Variants in MTA3 observed in about 807,000 individuals in gnomAD.
The protein encoded by MTA3 is metastasis-associated protein MTA3.
MTA3 carries 34 observed loss-of-function variants against 83.5 expected under a neutral mutation model. The observed-to-expected ratio is 0.41, with a 90% CI of 0.31 to 0.54. MTA3 has a LOEUF of 0.54. Ranked by LOEUF, MTA3 falls within the 20% of genes least tolerant of loss-of-function variation. The probability of loss-of-function intolerance (pLI) is 0.33; values close to 1 mark genes in which losing one functional copy is unlikely to be tolerated. For synonymous variants in MTA3, 303 were observed against 252.7 expected, an observed-to-expected ratio of 1.20 and a Z score of -1.89; for missense variants, 761 against 726.4, an observed-to-expected ratio of 1.05 and a Z score of -0.55.
intron 2 of MTA3, among the ~76,000 whole-genome samples, chr2:42,530,515 T>G (rs1407162304): frequency 3.4e-5 from 5 of 147,772 alleles, no homozygotes; most frequent in Non-Finnish European, 5.9e-5. Flanking sequence ...CTGGGAGCGG[T>G]GGCTCATGCC....
intron 3 of MTA3, among the ~76,000 whole-genome samples, chr2:42,582,088 T>TG (rs1174964977): frequency 6.6e-6 from 1 of 150,568 alleles, no homozygotes; most frequent in Non-Finnish European, 1.5e-5. Flanking sequence ...GACGGAGTCT[T>TG]GCTGTGTCGC....
intron 2 of MTA3, among the ~76,000 whole-genome samples, chr2:42,501,802 AC>A (rs1158141265): frequency 6.6e-6 from 1 of 152,032 alleles, no homozygotes; most frequent in Non-Finnish European, 1.5e-5. Context: ...ACATGGTGAA[AC>A]CCTGTCTCTC....
intron 2 of MTA3, among the ~76,000 whole-genome samples, chr2:42,546,101 G>A (rs917429924): frequency 1.3e-5 from 2 of 152,188 alleles, no homozygotes; most frequent in Admixed American, 6.6e-5. Context: ...TGGTAGGGAA[G>A]GGAAGGAGGG....
chr2:42,697,841 A>G lies in MTA3; in HGVS notation c.1025+7A>G, dbSNP rs1013011050. The G allele has an allele frequency of 1.3e-6, 2 of 1,506,530 alleles. No individual in the cohort carries two copies. The highest frequency in any genetic ancestry group is 1.8e-6 in the Non-Finnish European group (2 of 1,122,094). 93.3% of individuals were successfully genotyped at this position (1,506,530 alleles called of 1,614,324 possible). A position where few individuals can be genotyped will look rare whatever the true frequency, so the allele number is the denominator to read the frequency against. The stretch of plus-strand genomic sequence containing the variant: ...AAGTATATATCCCAACCTAGTAAGT[A>G]ATTGAAATCTTTTAAAATATTTGTT... On this transcript the variant is annotated splice_region_variant and intron_variant, in intron 11 of 16. Transcript: ENST00000405094.
At chr2:42,628,204 C>CG (rs1686311629) in intron 4 of MTA3, among the ~76,000 whole-genome samples, 1 of 97,754 alleles carries the variant, frequency 1.0e-5, no homozygotes, top group Non-Finnish European at 2.1e-5. Flanking sequence ...TTCTTCTTAT[C>CG]GTTTTATTTA....
chr2:42,724,299 C>G (rs1361637963), intron 16 of MTA3, among the ~76,000 whole-genome samples: 1 of 148,720 alleles, frequency 6.7e-6, no homozygotes, highest in Non-Finnish European at 1.5e-5. Context: ...CACACACACA[C>G]ACACACACAC....
chr2:42,605,669 C>A (rs1683214275), intron 3 of MTA3, among the ~76,000 whole-genome samples: 1 of 75,548 alleles, frequency 1.3e-5, no homozygotes, highest in Non-Finnish European at 3.4e-5. Context: ...GGGGGGCTGA[C>A]CCCCCCACCT....
chr2:42,527,481 C>G (rs1271108826), intron 2 of MTA3, among the ~76,000 whole-genome samples: 1 of 152,086 alleles, frequency 6.6e-6, no homozygotes, highest in Non-Finnish European at 1.5e-5. Context: ...TTTCAGAGAA[C>G]TTTTGTTCAC....
At chr2:42,711,569 C>G (rs1402065893) in intron 14 of MTA3, among the ~76,000 whole-genome samples, 1 of 152,088 alleles carries the variant, frequency 6.6e-6, no homozygotes, top group East Asian at 1.9e-4. Flanking sequence ...GTTTCAGCAG[C>G]CGTCTACTCT....
At chr2:42,568,977 G>A in intron 1 of MTA3, among the ~76,000 whole-genome samples, 1 of 145,334 alleles carries the variant, frequency 6.9e-6, no homozygotes, top group East Asian at 2.2e-4. Flanking sequence ...GCGAGGGCCC[G>A]GGGCCACCTT....
intron 4 of MTA3, among the ~76,000 whole-genome samples, chr2:42,628,602 A>G (rs545598934): frequency 2.2e-4 from 33 of 152,308 alleles, no homozygotes; most frequent in African/African-American, 7.7e-4. Flanking sequence ...CATTTAATTC[A>G]TTATTCTGTT....
intron 2 of MTA3, among the ~76,000 whole-genome samples, chr2:42,574,479 A>C (rs886634379): frequency 6.6e-6 from 1 of 151,852 alleles, no homozygotes; most frequent in Non-Finnish European, 1.5e-5. Context: ...GTTGTCACCC[A>C]GGCTGGAGTG....
At chr2:42,725,450 G>T (rs1336925398) in intron 16 of MTA3, among the ~76,000 whole-genome samples, 1 of 152,232 alleles carries the variant, frequency 6.6e-6, no homozygotes, top group East Asian at 1.9e-4. Flanking sequence ...AACTATATAA[G>T]TTATTTCAAC....
At chr2:42,697,969 A>T (rs1693537374) in intron 11 of MTA3, 135 bp downstream of exon 11, 1 of 583,518 alleles carries the variant, frequency 1.7e-6, no homozygotes, top group Non-Finnish European at 3.0e-6. Flanking sequence ...GAGACTTACT[A>T]TTATACCACT....
At chr2:42,640,728 T>A (rs555469946) in intron 5 of MTA3, among the ~76,000 whole-genome samples, 5 of 152,320 alleles carry the variant, frequency 3.3e-5, no homozygotes, top group Non-Finnish European at 7.3e-5. Context: ...AGATAGAGCA[T>A]ACGCTTCATG....
At chr2:42,569,528 C>T (rs1678232265) in intron 1 of MTA3, 1 of 152,356 alleles carries the variant, frequency 6.6e-6, no homozygotes, top group South Asian at 2.1e-4. Flanking sequence ...GTATGAGAGA[C>T]TGGCTCTTCC....
intron 4 of MTA3, among the ~76,000 whole-genome samples, chr2:42,637,562 A>G (rs1687315905): frequency 6.6e-6 from 1 of 152,234 alleles, no homozygotes; most frequent in Admixed American, 6.5e-5. Context: ...GCATGGTAAT[A>G]TATGTGTTAA....
chr2:42,708,438 G>C (rs542357544), intron 13 of MTA3, among the ~76,000 whole-genome samples: 7 of 152,322 alleles, frequency 4.6e-5, no homozygotes, highest in South Asian at 2.1e-4. Flanking sequence ...GGAGGGACAA[G>C]AAGTATGGAC....
rs1224822572 is a variant in MTA3, at chr2:42,756,098, CAG to C, written c.*2700_*2701del. ...AAACAAGAAAAGCTGAGAGGCAAAACAGGGGAGTGAGGGGCAACCCAGAGGTG... is the reference window on the plus strand; with the variant it reads ...AAACAAGAAAAGCTGAGAGGCAAAACGGGAGTGAGGGGCAACCCAGAGGTG... On this transcript the variant is annotated 3_prime_UTR_variant, in exon 17 of 17. Coordinates refer to ENST00000405094, the MANE Select transcript of MTA3 (RefSeq NM_001330442.2). 2.0e-5 allele frequency: 18 copies of C among 897,530 alleles called. No individual in the cohort carries two copies. Among genetic ancestry groups the C allele is most frequent in the South Asian group, 5.1e-5 (1 of 19,626 alleles). 55.6% of individuals were successfully genotyped at this position (897,530 alleles called of 1,614,324 possible).
Sources: gnomAD v4.1 joint callset for allele counts (sites outside exome capture counted in the v4.1 genomes callset) on GRCh38, gnomAD v4.1.1 for gene constraint, MANE v1.5 for transcripts, NCBI Gene and HGNC (gene_info 2026-07-23, HGNC 2026-07-21) for gene names.